The following CNTN3 variants were observed in gnomAD, a reference collection of about 807,000 sequenced individuals.
CNTN3 encodes the protein contactin 3.
CNTN3 carries 60 observed loss-of-function variants against 119.1 expected under a neutral mutation model. That is an observed-to-expected ratio of 0.50 (90% CI 0.41 to 0.62). The LOEUF is 0.62. CNTN3 is among the 20% of genes least tolerant of loss of function. The pLI is 0.00. For synonymous variants in CNTN3, 450 were observed against 438.7 expected, an observed-to-expected ratio of 1.03 and a Z score of -0.32; for missense variants, 1,101 against 1,242.4, an observed-to-expected ratio of 0.89 and a Z score of 1.71.
intron 22 of CNTN3, 76 bp downstream of exon 22, chr3:74,266,404 AG>A: frequency 2.9e-6 from 4 of 1,376,110 alleles, no homozygotes; most frequent in Non-Finnish European, 4.1e-6. Flanking sequence ...GAATGGACAG[AG>A]GGATACTGAT....
rs746945746 is a variant in CNTN3, at chr3:74,295,231, T to C, written c.2407A>G (p.Thr803Ala). Residue 803 changes from threonine to alanine, a missense_variant, in exon 19 of 23, where the codon ACA becomes GCA. Coordinates refer to ENST00000263665, the MANE Select transcript of CNTN3 (RefSeq NM_020872.3). The part of the protein sequence containing the change: ...TTVFSAEEEP[T>A]VAPSQVSANS... ...GCAGAGACTTGAGATGGGGCCACTG[T>C]AGGCTCTGTTCGGAAACAGAAATTG... is the stretch of plus-strand genomic sequence containing the variant. 1.3e-6 allele frequency: 2 copies of C among 1,580,066 alleles called. No homozygotes were observed. Among genetic ancestry groups the C allele is most frequent in the Non-Finnish European group, 1.7e-6 (2 of 1,151,404 alleles).
intron 4 of CNTN3, among the ~76,000 whole-genome samples, chr3:74,475,988 G>A (rs1559622365): frequency 6.6e-6 from 1 of 152,142 alleles, no homozygotes; most frequent in Non-Finnish European, 1.5e-5. Flanking sequence ...TGATCTTGCT[G>A]TTTAAAATGG....
chr3:74,338,435 CACAT>C (rs1703450828), intron 11 of CNTN3, among the ~76,000 whole-genome samples: 1 of 147,638 alleles, frequency 6.8e-6, no homozygotes, highest in Non-Finnish European at 1.5e-5. Context: ...TGTGTATATA[CACAT>C]ATATACACAC....
intron 1 of CNTN3, among the ~76,000 whole-genome samples, chr3:74,593,231 T>C (rs902884017): frequency 2.6e-5 from 4 of 151,958 alleles, no homozygotes; most frequent in Middle Eastern, 3.2e-3. Flanking sequence ...ACATAATACA[T>C]TAGCTTTGTG....
intron 4 of CNTN3, among the ~76,000 whole-genome samples, chr3:74,467,797 C>G (rs1276527264): frequency 1.3e-5 from 2 of 152,072 alleles, no homozygotes; most frequent in Admixed American, 6.6e-5. Context: ...TTTTAGAGTT[C>G]TTTAGAAGTG....
intron 13 of CNTN3, among the ~76,000 whole-genome samples, chr3:74,326,174 G>A (rs2106686823): frequency 6.6e-6 from 1 of 152,104 alleles, no homozygotes. Context: ...GCCAAATTTA[G>A]AGAGTATTGT....
chr3:74,417,916 C>T (rs551597191), intron 5 of CNTN3, among the ~76,000 whole-genome samples: 1 of 152,168 alleles, frequency 6.6e-6, no homozygotes, highest in East Asian at 1.9e-4. Context: ...GATGGATTAC[C>T]TAACTGTTTG....
intron 19 of CNTN3, among the ~76,000 whole-genome samples, chr3:74,291,003 A>G (rs1204052592): frequency 6.6e-6 from 1 of 151,814 alleles, no homozygotes; most frequent in African/African-American, 2.4e-5. Flanking sequence ...GCACCCATTA[A>G]CTCATCATTT....
At chr3:74,383,170 G>A (rs1032044309) in intron 5 of CNTN3, among the ~76,000 whole-genome samples, 2 of 152,126 alleles carry the variant, frequency 1.3e-5, no homozygotes, top group Non-Finnish European at 2.9e-5. Context: ...CTGTTCTTAT[G>A]AGCCTCCTGG....
chr3:74,521,453 A>C (rs1703542318), intron 1 of CNTN3, among the ~76,000 whole-genome samples: 1 of 151,258 alleles, frequency 6.6e-6, no homozygotes, highest in South Asian at 2.1e-4. Flanking sequence ...TTAATATATT[A>C]ATTATTAAAA....
chr3:74,363,021 T>A (rs781554285), intron 10 of CNTN3, among the ~76,000 whole-genome samples: 1 of 152,206 alleles, frequency 6.6e-6, no homozygotes, highest in South Asian at 2.1e-4. Flanking sequence ...TATTTCTTCA[T>A]ACACAACAAT....
intron 20 of CNTN3, among the ~76,000 whole-genome samples, chr3:74,270,361 T>C (rs1024862567): frequency 7.2e-5 from 11 of 152,208 alleles, no homozygotes; most frequent in Admixed American, 7.2e-4. Context: ...CTCTTTGCCA[T>C]GAGATTGCCA....
intron 3 of CNTN3, among the ~76,000 whole-genome samples, chr3:74,493,934 T>C (rs1703012919): frequency 6.6e-6 from 1 of 152,136 alleles, no homozygotes; most frequent in Non-Finnish European, 1.5e-5. Flanking sequence ...CATCGATAAA[T>C]TTTGAACATA....
At chr3:74,587,430 G>A (rs760635099) in intron 1 of CNTN3, among the ~76,000 whole-genome samples, 21 of 151,754 alleles carry the variant, frequency 1.4e-4, no homozygotes, top group East Asian at 1.2e-3. Context: ...CCCTTTTTAC[G>A]TCATTACAAG....
In CNTN3 at chr3:74,281,245, C is replaced by T. The variant is rs373442474; in HGVS notation, c.2704+4060G>A. Among the ~76,000 whole-genome samples the T allele has an allele frequency of 2.0e-5, 3 of 152,208 alleles. No homozygotes were observed. The East Asian group carries it at 5.8e-4, about 30-fold the overall frequency. ...CAGAAACAGGATGAACAGTGAGAGG[C>T]CATTGCCCTGATCTACAGGAGAGAG... On this transcript the variant is annotated intron_variant, in intron 20 of 22. Transcript: ENST00000263665.
intron 1 of CNTN3, among the ~76,000 whole-genome samples, chr3:74,560,596 C>T (rs1704137998): frequency 6.6e-6 from 1 of 152,084 alleles, no homozygotes; most frequent in South Asian, 2.1e-4. Flanking sequence ...CTAGTACAAC[C>T]ATTGTGGAAG....
rs1705140797 is a variant in CNTN3 at position 74,614,505 on chromosome 3, G to C, written c.-195C>G. 4.1e-5 allele frequency among the ~76,000 whole-genome samples: 6 copies of C among 144,884 alleles called. No individual in the cohort carries two copies. The South Asian group carries it at 1.1e-3, about 26-fold the overall frequency. ...GTTAGTCCGGGCCCGGGGGGCCGCC[G>C]TGCGCGCCCGCGTAAGCCGCCGCCG... On this transcript the variant is annotated 5_prime_UTR_variant, in exon 1 of 23. Transcript: ENST00000263665.
chr3:74,471,045 T>G (rs1006023893), intron 4 of CNTN3, among the ~76,000 whole-genome samples: 13 of 151,900 alleles, frequency 8.6e-5, no homozygotes, highest in African/African-American at 2.9e-4. Flanking sequence ...CCTAGCTAAT[T>G]TTTGTATTTT....
intron 20 of CNTN3, among the ~76,000 whole-genome samples, chr3:74,281,401 GT>G (rs1283264134): frequency 1.3e-5 from 2 of 152,058 alleles, no homozygotes; most frequent in Non-Finnish European, 1.5e-5. Context: ...CACAATTACG[GT>G]TCAGTGCAGC....
Sources: gnomAD v4.1 joint callset for allele counts (sites outside exome capture counted in the v4.1 genomes callset) on GRCh38, gnomAD v4.1.1 for gene constraint, MANE v1.5 for transcripts, NCBI Gene and HGNC (gene_info 2026-07-23, HGNC 2026-07-21) for gene names.